The following RALGDS variants were observed in gnomAD, a reference collection of about 807,000 sequenced individuals.
The protein encoded by RALGDS is ral guanine nucleotide exchange factor.
In RALGDS, 44 loss-of-function variants were observed where a neutral mutation model predicts 99.8. The ratio of observed to expected loss-of-function variants is 0.44; its 90% CI spans 0.35 to 0.57. The LOEUF (loss-of-function observed/expected upper bound fraction) is 0.57. Ranked by LOEUF, RALGDS falls within the 20% of genes least tolerant of loss-of-function variation. RALGDS has a pLI of 0.01. For synonymous variants in RALGDS, 529 were observed against 505.0 expected (o/e 1.05, Z -0.64); for missense variants, 1,022 against 1,203.1 (o/e 0.85, Z 2.23).
In RALGDS at chr9:133,101,617, C is replaced by T; in HGVS notation, c.2357G>A (p.Ser786Asn). ...KRSVSGLCNS[S>N]SALPLYNQQV... ...CTGGTTGTAGAGCGGCAGCGCGGAG[C>T]TGGAGTTGCAGAGCCCTGAGACAGA... is the stretch of plus-strand genomic sequence containing the variant. The change falls in exon 16 of 18, where the codon AGC (serine) becomes AAC (asparagine). Residue 786 changes from serine (S) to asparagine (N), a missense_variant. Ser to Asn is a conservative substitution (Grantham distance 46). Around this residue, in one of 3 missense-constraint regions of RALGDS, gnomAD observed 825 missense variants for 994.5 expected, o/e 0.83. Transcript: ENST00000372050. 6.2e-7 allele frequency: 1 copy of T among 1,613,484 alleles called. No individual in the cohort carries two copies. The highest frequency in any genetic ancestry group is 8.5e-7 in the Non-Finnish European group (1 of 1,180,042).
chr9:133,108,694 G>C lies in RALGDS; in HGVS notation c.757C>G (p.Pro253Ala), dbSNP rs772073696. 24 of 1,613,638 alleles carry C rather than the reference G, an allele frequency of 1.5e-5. No individual in the cohort carries two copies. Among genetic ancestry groups the C allele is most frequent in the Non-Finnish European group, 2.0e-5 (24 of 1,179,994 alleles). ...TCACCCTCAGGCTCTGCCTCAATGG[G>C]TTCCGAGTGCTCCAGCTGGGCCAGG... Reference protein sequence around the residue: ...LLLAQLEHSEPIEAEPEALSP... With the variant: ...LLLAQLEHSEAIEAEPEALSP... Residue 253 changes from proline to alanine, a missense_variant, in exon 5 of 18, where the codon CCC (proline) becomes GCC (alanine). Coordinates refer to ENST00000372050, the MANE Select transcript of RALGDS (RefSeq NM_006266.4).
intron 1 of RALGDS, among the ~76,000 whole-genome samples, chr9:133,137,108 C>G (rs1283383242): frequency 6.6e-6 from 1 of 152,088 alleles, no homozygotes; most frequent in African/African-American, 2.4e-5. Flanking sequence ...GGTGGTGCAC[C>G]TGTAGTCCCA....
chr9:133,126,261 T>G (rs777255334), intron 1 of RALGDS, among the ~76,000 whole-genome samples: 11 of 148,624 alleles, frequency 7.4e-5, no homozygotes, highest in Non-Finnish European at 1.5e-4. Context: ...CCTTGGGGGC[T>G]ACAACCACAA....
intron 1 of RALGDS, among the ~76,000 whole-genome samples, chr9:133,113,918 C>T (rs1026261922): frequency 2.0e-5 from 3 of 152,242 alleles, no homozygotes; most frequent in Non-Finnish European, 2.9e-5. Flanking sequence ...AACATTAACC[C>T]TGGGGGAGCC....
chr9:133,101,393 C>A (rs752203510), intron 16 of RALGDS, 127 bp downstream of exon 16: 1 of 1,565,816 alleles, frequency 6.4e-7, no homozygotes, highest in East Asian at 2.2e-5. Context: ...ATTTCTGTAC[C>A]TGGCTGACAT....
chr9:133,101,617 C>G lies in RALGDS; in HGVS notation c.2357G>C (p.Ser786Thr), dbSNP rs1240022065. ...CTGGTTGTAGAGCGGCAGCGCGGAGCTGGAGTTGCAGAGCCCTGAGACAGA... is the reference window on the plus strand; with the variant it reads ...CTGGTTGTAGAGCGGCAGCGCGGAGGTGGAGTTGCAGAGCCCTGAGACAGA... Reference protein sequence around the residue: ...KRSVSGLCNSSSALPLYNQQV... With the variant: ...KRSVSGLCNSTSALPLYNQQV... The change falls in exon 16 of 18, where the codon AGC becomes ACC. Residue 786 changes from serine (S) to threonine (T), a missense_variant. Transcript: ENST00000372050. 2 of 1,613,366 alleles carry G rather than the reference C, an allele frequency of 1.2e-6. No individual in the cohort carries two copies. The highest frequency in any genetic ancestry group is 2.2e-5 in the East Asian group (1 of 44,896).
rs759015141 is a variant in RALGDS, at chr9:133,102,566, T to G, written c.1919A>C (p.Asn640Thr). Residue 640 changes from asparagine (N) to threonine (T), a missense_variant, in exon 14 of 18, where the codon AAC (asparagine) becomes ACC (threonine). By Grantham distance (65) the Asn-to-Thr change is moderately conservative. Transcript: ENST00000372050. ...TGGGGGCTCCAGCTCGCACGACAGG[T>G]TGTAGCTATGAGCAGAGGGGCAGTG... The part of the protein sequence containing the change: ...VERLSETESY[N>T]LSCELEPPSE... 3 of 1,613,882 alleles carry G rather than the reference T, an allele frequency of 1.9e-6. No homozygotes were observed. The highest frequency in any genetic ancestry group is 2.2e-5 in the South Asian group (2 of 91,076).
At chr9:133,138,139 T>C (rs538389991) in intron 1 of RALGDS, among the ~76,000 whole-genome samples, 1 of 152,316 alleles carries the variant, frequency 6.6e-6, no homozygotes, top group African/African-American at 2.4e-5. Context: ...CCCTGGCCTC[T>C]GGAGAGGGCA....
upstream of RALGDS, among the ~76,000 whole-genome samples, chr9:133,125,210 T>C (rs1832110576): frequency 6.6e-6 from 1 of 152,152 alleles, no homozygotes; most frequent in East Asian, 1.9e-4. Context: ...TTAGACATCT[T>C]TTTAGGTGTG....
chr9:133,107,056 T>TG (rs1564233550), intron 7 of RALGDS, 29 bp downstream of exon 7: 1 of 1,609,606 alleles, frequency 6.2e-7, no homozygotes, highest in Non-Finnish European at 8.5e-7. Context: ...GAAGCCAAAG[T>TG]GGGGGCCCAG....
At chr9:133,128,738 C>T (rs1832239248) in intron 1 of RALGDS, among the ~76,000 whole-genome samples, 1 of 152,188 alleles carries the variant, frequency 6.6e-6, no homozygotes, top group South Asian at 2.1e-4. Context: ...TCAATTTCTC[C>T]ATCAGTAAAA....
intron 1 of RALGDS, among the ~76,000 whole-genome samples, chr9:133,146,809 C>T (rs1441981446): frequency 1.3e-5 from 2 of 152,222 alleles, no homozygotes; most frequent in Non-Finnish European, 2.9e-5. Context: ...GAGAGACCCA[C>T]ATGGCAGTGA....
Position 133,097,871 on chromosome 9 carries a change from ATCC to A in RALGDS, c.*713_*715del, listed in dbSNP as rs912365532. ...TTCAATCACCCCACCCCCACCCCAA[ATCC>A]TCCTTCCTCACTAACCCCCGTCTTG... is the stretch of plus-strand genomic sequence containing the variant. On this transcript the variant is annotated 3_prime_UTR_variant, in exon 18 of 18. Transcript: ENST00000372050. The A allele has an allele frequency of 4.5e-6, 1 of 223,892 alleles. No homozygotes were observed. The highest frequency in any genetic ancestry group is 8.9e-6 in the Non-Finnish European group (1 of 112,938). 13.9% of individuals were successfully genotyped at this position (223,892 alleles called of 1,614,324 possible). A position where few individuals can be genotyped will look rare whatever the true frequency, so the allele number is the denominator to read the frequency against.
chr9:133,136,945 C>T (rs1340172216), intron 1 of RALGDS, among the ~76,000 whole-genome samples: 6 of 144,012 alleles, frequency 4.2e-5, no homozygotes, highest in Non-Finnish European at 6.1e-5. Context: ...TCTCAAAAAA[C>T]GAAACAAGGC....
chr9:133,133,761 G>A (rs193278403), upstream of RALGDS, among the ~76,000 whole-genome samples: 245 of 152,318 alleles, frequency 1.6e-3, 3 homozygotes, highest in Non-Finnish European at 2.6e-3. Flanking sequence ...CCAGCACGCC[G>A]GGTGGCCTGG....
chr9:133,112,306 C>T (rs896925931), intron 1 of RALGDS, among the ~76,000 whole-genome samples, 154 bp from the exon 2 acceptor site: 7 of 152,008 alleles, frequency 4.6e-5, no homozygotes, highest in East Asian at 1.9e-4. Flanking sequence ...GATCACAGCT[C>T]GAGAGCCACT....
chr9:133,117,777 G>A (rs1343297327), intron 1 of RALGDS, among the ~76,000 whole-genome samples: 2 of 152,252 alleles, frequency 1.3e-5, no homozygotes, highest in African/African-American at 4.8e-5. Context: ...GGAGCCATCT[G>A]GGCGGCCAAC....
rs147555520 is a variant in RALGDS at position 133,143,112 on chromosome 9, G to A, written c.18+5851C>T. ...TCATCACCAGGCACCTCTGCAGCAG[G>A]GGACAGAGGGAAGGACTCTGTGGAG... On this transcript the variant is annotated intron_variant, in intron 1 of 17. Coordinates refer to the RALGDS transcript ENST00000393160. 3.2e-3 allele frequency among the ~76,000 whole-genome samples: 492 copies of A among 152,364 alleles called. 6 individuals carry two copies. Among genetic ancestry groups the A allele is most frequent in the African/African-American group, 0.012 (479 of 41,578 alleles).
In RALGDS at chr9:133,106,758, G is replaced by A; in HGVS notation, c.1414-10C>T. Reference sequence around the variant, plus strand: ...TGAGGATCCGGCACTCCTGGGGCGGGAAGAGCAGGAGGCATGAGGTGGGGC... The same window carrying A: ...TGAGGATCCGGCACTCCTGGGGCGGAAAGAGCAGGAGGCATGAGGTGGGGC... On this transcript the variant is annotated splice_polypyrimidine_tract_variant and intron_variant, in intron 7 of 17. Transcript: ENST00000372050. 1 of 1,591,852 alleles carries A rather than the reference G, an allele frequency of 6.3e-7. No homozygotes were observed. The highest frequency in any genetic ancestry group is 8.6e-7 in the Non-Finnish European group (1 of 1,162,382).
Sources: allele counts gnomAD v4.1 joint callset (sites outside exome capture counted in the v4.1 genomes callset), GRCh38; gene constraint gnomAD v4.1.1; regional missense constraint gnomAD v4.1.1; transcripts MANE v1.5; gene names NCBI Gene and HGNC (gene_info 2026-07-23, HGNC 2026-07-21).